OPA3: variants seen among roughly 807,000 people sequenced by gnomAD.
The protein encoded by OPA3 is optic atrophy 3 protein.
OPA3 carries 6 observed loss-of-function variants against 4.0 expected under a neutral mutation model. The ratio of observed to expected loss-of-function variants is 1.51; its 90% CI spans 0.83 to 2.99. The LOEUF (loss-of-function observed/expected upper bound fraction) is 2.99, where lower values mean the gene tolerates loss of function less well. Ranked by LOEUF, OPA3 falls within the 30% of genes most tolerant of loss-of-function variation. The pLI is 0.00. For missense variants in OPA3, 235 were observed against 256.2 expected (o/e 0.92, Z 0.56); for synonymous variants, 105 against 117.1 (o/e 0.90, Z 0.67).
chr19:45,544,497 T>C (rs527799382), downstream of OPA3, among the ~76,000 whole-genome samples: 5 of 138,200 alleles, frequency 3.6e-5, no homozygotes, highest in South Asian at 7.0e-4. Flanking sequence ...CCGTCTCTAC[T>C]AAAAATACAA....
downstream of OPA3, among the ~76,000 whole-genome samples, chr19:45,542,544 T>C (rs1969196901): frequency 6.6e-6 from 1 of 152,132 alleles, no homozygotes; most frequent in African/African-American, 2.4e-5. Context: ...TCTAGACACA[T>C]CCAAACATAG....
chr19:45,583,148 A>C (rs965363526), intron 1 of OPA3, among the ~76,000 whole-genome samples: 7 of 151,250 alleles, frequency 4.6e-5, no homozygotes, highest in Non-Finnish European at 7.4e-5. Context: ...AGCACAACAC[A>C]GATCACCTTT....
At chr19:45,554,585 G>A (rs1212698352) in intron 1 of OPA3, among the ~76,000 whole-genome samples, 1 of 152,136 alleles carries the variant, frequency 6.6e-6, no homozygotes, top group Non-Finnish European at 1.5e-5. Context: ...TCTTTATGAA[G>A]GAAGGTTCTC....
chr19:45,583,569 T>C (rs1246194648), intron 1 of OPA3, among the ~76,000 whole-genome samples: 4 of 152,174 alleles, frequency 2.6e-5, no homozygotes, highest in African/African-American at 9.7e-5. Flanking sequence ...TGGCACAATC[T>C]AGGCTCACTG....
chr19:45,551,929 G>C lies in OPA3; in HGVS notation c.*1585C>G. 3.0e-6 allele frequency: 3 copies of C among 985,566 alleles called. No homozygotes were observed. The highest frequency in any genetic ancestry group is 3.6e-6 in the Non-Finnish European group (3 of 830,040). 61.1% of individuals were successfully genotyped at this position (985,566 alleles called of 1,614,324 possible). ...CTGAGAAATGCTACTGAGCAAGGTG[G>C]GGAAGGCAAGAAAGGACATGCCACA... On this transcript the variant is annotated 3_prime_UTR_variant, in exon 2 of 2. Transcript: ENST00000263275.
rs144066056 is a variant in OPA3 at position 45,534,429 on chromosome 19, G to A, written c.143-4973C>T. 4.5e-4 allele frequency among the ~76,000 whole-genome samples: 69 copies of A among 151,864 alleles called. No homozygotes were observed. In the East Asian group the frequency reaches 0.013, roughly 28 times the overall value. On this transcript the variant is annotated intron_variant, in intron 1 of 1. Transcript: ENST00000323060. Reference sequence around the variant, plus strand: ...ATACAAAACTTAGCCAGGCATGGTGGTGGGTGCCTGTAATCCCAGTACTTT... The same window carrying A: ...ATACAAAACTTAGCCAGGCATGGTGATGGGTGCCTGTAATCCCAGTACTTT...
intron 1 of OPA3, among the ~76,000 whole-genome samples, chr19:45,530,967 T>TTTTTTTTTTTTTTTGTTTTTTTTTG (rs1969054940): frequency 7.5e-6 from 1 of 134,050 alleles, no homozygotes; most frequent in African/African-American, 2.8e-5. Flanking sequence ...TTTTTTGCAT[T>TTTTTTTTTTTTTTTGTTTTTTTTTG]TTAGTAGAGA....
chr19:45,584,101 C>T (rs1426697483), intron 1 of OPA3, among the ~76,000 whole-genome samples: 1 of 152,152 alleles, frequency 6.6e-6, no homozygotes, highest in Admixed American at 6.6e-5. Flanking sequence ...AGACTTCACC[C>T]CCGAACCATG....
intron 1 of OPA3, among the ~76,000 whole-genome samples, chr19:45,579,996 T>C (rs937342388): frequency 6.0e-5 from 6 of 100,452 alleles, no homozygotes; most frequent in African/African-American, 5.5e-4. Context: ...TTTCTTTTTT[T>C]TTTTCTTTTT....
At chr19:45,572,055 T>A (rs2122492161) in intron 1 of OPA3, among the ~76,000 whole-genome samples, 1 of 150,946 alleles carries the variant, frequency 6.6e-6, no homozygotes, top group South Asian at 2.1e-4. Context: ...GCCATGTTTT[T>A]CTGCTGGCTC....
chr19:45,568,862 C>T (rs796312469), intron 1 of OPA3, among the ~76,000 whole-genome samples: 149 of 152,260 alleles, frequency 9.8e-4, no homozygotes, highest in African/African-American at 3.4e-3. Flanking sequence ...CGGGATGAGG[C>T]ACCCCTCTGT....
Position 45,553,772 on chromosome 19 carries a change from G to A in OPA3, c.282C>T (p.Gly94=), listed in dbSNP as rs1478895044. 9 of 1,612,764 alleles carry A rather than the reference G, an allele frequency of 5.6e-6. No individual in the cohort carries two copies. The highest frequency in any genetic ancestry group is 1.7e-5 in the Admixed American group (1 of 59,974). ...GCCAGTACTCCAGCACTAGGCAGCCGCCGCCCACGATGAAGATGGTGGCTT... is the reference window on the plus strand; with the variant it reads ...GCCAGTACTCCAGCACTAGGCAGCCACCGCCCACGATGAAGATGGTGGCTT... ...LGEATIFIVG[G]GCLVLEYWRH... The change falls in exon 2 of 2, where the codon GGC becomes GGT. Residue 94 remains glycine, a synonymous_variant. Transcript: ENST00000263275.
rs1181396046 is a variant in OPA3 at position 45,537,396 on chromosome 19, CAA to C, written c.143-7942_143-7941del. On this transcript the variant is annotated intron_variant, in intron 1 of 1. Coordinates refer to the OPA3 transcript ENST00000323060. ...TGGATGACAGAGCAAGACTCTGTCTCAAAAAAAAAAAAAAAAAAAAAAAAAAC... is the reference window on the plus strand; with the variant it reads ...TGGATGACAGAGCAAGACTCTGTCTCAAAAAAAAAAAAAAAAAAAAAAAAC... 3.1e-3 allele frequency among the ~76,000 whole-genome samples: 89 copies of C among 28,856 alleles called. 1 individual carries two copies. The highest frequency in any genetic ancestry group is 0.01 in the African/African-American group (66 of 6,414). 18.9% of individuals were successfully genotyped at this position (28,856 alleles called of 152,430 possible).
chr19:45,540,961 A>G (rs906011297), intron 1 of OPA3, among the ~76,000 whole-genome samples: 1 of 152,086 alleles, frequency 6.6e-6, no homozygotes, highest in Non-Finnish European at 1.5e-5. Context: ...CTCAGGAATG[A>G]ATGTCTGTAC....
chr19:45,544,830 G>A (rs1227223667), downstream of OPA3, among the ~76,000 whole-genome samples: 6 of 109,106 alleles, frequency 5.5e-5, no homozygotes, highest in East Asian at 6.7e-4. Flanking sequence ...AAATAAATAG[G>A]AAATTAACCG....
chr19:45,571,618 T>C (rs939776474), intron 1 of OPA3, among the ~76,000 whole-genome samples: 4 of 152,164 alleles, frequency 2.6e-5, no homozygotes, highest in Admixed American at 6.5e-5. Context: ...TGATTATAAA[T>C]AAACTCCAGC....
chr19:45,583,108 T>C (rs1969880097), intron 1 of OPA3, among the ~76,000 whole-genome samples: 1 of 152,082 alleles, frequency 6.6e-6, no homozygotes, highest in Admixed American at 6.6e-5. Context: ...CAGCCAATGA[T>C]GCTAAATTCC....
Position 45,549,608 on chromosome 19 carries a change from G to A in OPA3, c.*3906C>T. ...CAATTCTCGTGCCTCAGCCTCCCGA[G>A]TAGCTGGGATTCAGGAATGTGCCAA... On this transcript the variant is annotated 3_prime_UTR_variant, in exon 2 of 2. Transcript: ENST00000263275. The A allele has an allele frequency of 3.9e-6, 3 of 774,676 alleles. No individual in the cohort carries two copies. The highest frequency in any genetic ancestry group is 4.7e-6 in the Non-Finnish European group (3 of 638,052). 48.0% of individuals were successfully genotyped at this position (774,676 alleles called of 1,614,324 possible).
intron 1 of OPA3, among the ~76,000 whole-genome samples, chr19:45,581,528 C>T (rs961126409): frequency 2.6e-5 from 4 of 152,174 alleles, no homozygotes; most frequent in Non-Finnish European, 5.9e-5. Context: ...ATACGTCTGT[C>T]CCCCGCAGGA....
Sources: gnomAD v4.1 joint callset for allele counts (sites outside exome capture counted in the v4.1 genomes callset) on GRCh38, gnomAD v4.1.1 for gene constraint, MANE v1.5 for transcripts, NCBI Gene and HGNC (gene_info 2026-07-23, HGNC 2026-07-21) for gene names.